Variants in PRDM16 observed in about 807,000 individuals in gnomAD.
PRDM16 encodes the protein PR/SET domain 16.
A neutral mutation model predicts 110.6 loss-of-function variants in PRDM16; 23 were observed. The observed-to-expected ratio is 0.21, with a 90% CI of 0.15 to 0.29. The LOEUF is 0.29. Among genes scored for constraint, PRDM16 ranks in the 10% least tolerant of loss-of-function variants. The pLI, the probability that PRDM16 is intolerant of heterozygous loss-of-function variation, is 1.00. For synonymous variants in PRDM16, 799 were observed against 781.8 expected, an observed-to-expected ratio of 1.02 and a Z score of -0.37; for missense variants, 1,615 against 1,794.3, an observed-to-expected ratio of 0.90 and a Z score of 1.81.
intron 3 of PRDM16, among the ~76,000 whole-genome samples, chr1:3,278,896 C>T (rs1002892869): frequency 1.3e-5 from 2 of 152,318 alleles, no homozygotes; most frequent in African/African-American, 2.4e-5. Flanking sequence ...AGACACTCAG[C>T]GAGCCGTGGC....
At chr1:3,216,373 C>T (rs1051316596) in intron 2 of PRDM16, among the ~76,000 whole-genome samples, 37 of 152,342 alleles carry the variant, frequency 2.4e-4, no homozygotes, top group African/African-American at 8.9e-4. Flanking sequence ...GGGGCCTCCA[C>T]AGAGAGGAGA....
intron 1 of PRDM16, among the ~76,000 whole-genome samples, chr1:3,112,071 CTT>C (rs1384428334): frequency 1.3e-5 from 2 of 152,176 alleles, no homozygotes; most frequent in African/African-American, 4.8e-5. Context: ...ACAGAAAAGA[CTT>C]TAATAAAACT....
At chr1:3,093,908 C>T (rs1373541589) in intron 1 of PRDM16, among the ~76,000 whole-genome samples, 1 of 152,220 alleles carries the variant, frequency 6.6e-6, no homozygotes, top group Non-Finnish European at 1.5e-5. Context: ...GCAGGCGAGA[C>T]AAGGAAGGAG....
chr1:3,408,501 C>T (rs12734592), intron 8 of PRDM16, among the ~76,000 whole-genome samples: 36 of 149,536 alleles, frequency 2.4e-4, no homozygotes, highest in East Asian at 2.3e-3. Flanking sequence ...TGAGTGTGGG[C>T]GCGTGCACCG....
chr1:3,186,494 T>G lies in PRDM16; in HGVS notation c.387+20T>G, dbSNP rs777826925. ...TGGGAGGTGAGCGATCGCGCCTGAG[T>G]ATGATTGATCACGGCCATTTATCTT... On this transcript the variant is annotated intron_variant, in intron 2 of 16. Coordinates refer to ENST00000270722, the MANE Select transcript of PRDM16 (RefSeq NM_022114.4). 1 of 1,399,220 alleles carries G rather than the reference T, an allele frequency of 7.1e-7. No individual in the cohort carries two copies. Among genetic ancestry groups the G allele is most frequent in the East Asian group, 2.3e-5 (1 of 42,740 alleles). The allele number at this position is 1,399,220 out of a possible 1,614,324, so 86.7% of individuals were successfully genotyped here.
At chr1:3,295,081 G>A (rs1641057401) in intron 3 of PRDM16, among the ~76,000 whole-genome samples, 1 of 152,164 alleles carries the variant, frequency 6.6e-6, no homozygotes. Flanking sequence ...GGCCCAAACT[G>A]TTATTTAAAA....
chr1:3,232,820 A>G (rs566428447), intron 2 of PRDM16, among the ~76,000 whole-genome samples: 1 of 152,122 alleles, frequency 6.6e-6, no homozygotes, highest in African/African-American at 2.4e-5. Flanking sequence ...GAAGAGCCCA[A>G]CTTTGGGGAG....
intron 6 of PRDM16, 89 bp downstream of exon 6, chr1:3,403,087 TC>T: frequency 6.5e-6 from 7 of 1,071,474 alleles, no homozygotes; most frequent in Non-Finnish European, 9.5e-6. Flanking sequence ...TGAGTCTTCC[TC>T]CCCTCCCTTC....
chr1:3,234,659 A>G (rs1019421160), intron 2 of PRDM16, among the ~76,000 whole-genome samples: 3 of 151,998 alleles, frequency 2.0e-5, no homozygotes, highest in Middle Eastern at 3.2e-3. Flanking sequence ...CCCACCCTCC[A>G]CCCACAGGCC....
chr1:3,146,376 A>T (rs1053640288), intron 1 of PRDM16, among the ~76,000 whole-genome samples: 1 of 152,262 alleles, frequency 6.6e-6, no homozygotes, highest in Non-Finnish European at 1.5e-5. Flanking sequence ...AGCAATTCAT[A>T]AAAATGATCT....
chr1:3,111,611 C>T (rs1186027699), intron 1 of PRDM16, among the ~76,000 whole-genome samples: 2 of 152,026 alleles, frequency 1.3e-5, no homozygotes, highest in South Asian at 2.1e-4. Context: ...GTTGGGGGAG[C>T]CCAGCGCACG....
At chr1:3,140,619 A>G (rs1043901031) in intron 1 of PRDM16, among the ~76,000 whole-genome samples, 1 of 152,070 alleles carries the variant, frequency 6.6e-6, no homozygotes, top group Non-Finnish European at 1.5e-5. Flanking sequence ...GCGATATTTT[A>G]CCCTCAGAGC....
At chr1:3,197,086 G>A (rs371866006) in intron 2 of PRDM16, among the ~76,000 whole-genome samples, 3 of 152,296 alleles carry the variant, frequency 2.0e-5, no homozygotes, top group African/African-American at 2.4e-5. Context: ...GACCAGCCAC[G>A]CGCCCCCGGG....
chr1:3,082,311 G>A (rs899318389), intron 1 of PRDM16, among the ~76,000 whole-genome samples: 1 of 152,240 alleles, frequency 6.6e-6, no homozygotes, highest in Non-Finnish European at 1.5e-5. Flanking sequence ...AGGAGGCCCT[G>A]TGGGTCCAGG....
chr1:3,431,609 G>A (rs1638770613), intron 15 of PRDM16, among the ~76,000 whole-genome samples: 1 of 150,540 alleles, frequency 6.6e-6, no homozygotes, highest in African/African-American at 2.5e-5. Flanking sequence ...TCTCCAGCCT[G>A]GATGCTGCCC....
intron 1 of PRDM16, among the ~76,000 whole-genome samples, chr1:3,142,421 C>T (rs993506874): frequency 2.6e-5 from 4 of 152,120 alleles, no homozygotes; most frequent in South Asian, 4.1e-4. Context: ...GCACATGGCC[C>T]GACAGTGTGG....
In PRDM16 at chr1:3,433,712, T is replaced by C; in HGVS notation, c.3732T>C (p.Thr1244=). The C allele has an allele frequency of 6.2e-7, 1 of 1,613,920 alleles. No individual in the cohort carries two copies. Among genetic ancestry groups the C allele is most frequent in the Non-Finnish European group, 8.5e-7 (1 of 1,179,900 alleles). Reference sequence around the variant, plus strand: ...TGATGCTGTCCCTTTCCGAAGACACTCCTCTCCACACCCCCTCCCAGGGTT... The same window carrying C: ...TGATGCTGTCCCTTTCCGAAGACACCCCTCTCCACACCCCCTCCCAGGGTT... ...YAMMLSLSED[T]PLHTPSQGSL... Residue 1244 remains threonine (T), a synonymous_variant, in exon 17 of 17, where the codon ACT becomes ACC. Transcript: ENST00000270722.
intron 3 of PRDM16, among the ~76,000 whole-genome samples, chr1:3,280,552 C>T (rs979601439): frequency 6.6e-6 from 1 of 152,232 alleles, no homozygotes; most frequent in African/African-American, 2.4e-5. Flanking sequence ...CCACCTCAGG[C>T]CTTCCATCGC....
At chr1:3,232,496 T>C (rs1487016968) in intron 2 of PRDM16, among the ~76,000 whole-genome samples, 2 of 152,196 alleles carry the variant, frequency 1.3e-5, no homozygotes, top group African/African-American at 2.4e-5. Flanking sequence ...AGGAATAAAA[T>C]ACAACGGGAA....
Sources: gnomAD v4.1 joint callset for allele counts (sites outside exome capture counted in the v4.1 genomes callset) on GRCh38, gnomAD v4.1.1 for gene constraint, MANE v1.5 for transcripts, NCBI Gene and HGNC (gene_info 2026-07-23, HGNC 2026-07-21) for gene names.